DLG4: variants seen among roughly 807,000 people sequenced by gnomAD.
DLG4 encodes the protein disks large homolog 4.
DLG4 carries 7 observed loss-of-function variants against 93.8 expected under a neutral mutation model. The ratio of observed to expected loss-of-function variants is 0.07; its 90% CI spans 0.04 to 0.14. The LOEUF is 0.14. DLG4 is among the 10% of genes least tolerant of loss of function. The probability of loss-of-function intolerance (pLI) is 1.00; values close to 1 mark genes in which losing one functional copy is unlikely to be tolerated. For synonymous variants in DLG4, 341 were observed against 387.6 expected (o/e 0.88, Z 1.41); for missense variants, 545 against 992.9 (o/e 0.55, Z 6.06).
chr17:7,204,215 A>T lies in DLG4; in HGVS notation c.134T>A (p.Leu45Gln). The T allele has an allele frequency of 6.2e-7, 1 of 1,605,184 alleles. No individual in the cohort carries two copies. Among genetic ancestry groups the T allele is most frequent in the South Asian group, 1.1e-5 (1 of 90,322 alleles). The change falls in exon 3 of 20, where the codon CTA becomes CAA. Residue 45 changes from leucine to glutamine, a missense_variant. Physicochemically the swap from Leu to Gln is moderately radical, Grantham distance 113. Transcript: ENST00000399506. ...SPPVIVNTDT[L>Q]EAPGYELQVN... ...ACAACTCACATATCCTGGGGCTTCT[A>T]GGGTATCTGTGTTGACAATCACTGG...
At chr17:7,207,264 G>C (rs534058331) in intron 2 of DLG4, among the ~76,000 whole-genome samples, 5 of 152,140 alleles carry the variant, frequency 3.3e-5, no homozygotes, top group Non-Finnish European at 7.4e-5. Context: ...TGAGGGAAAG[G>C]ACTGATCAGG....
At chr17:7,214,229 G>T (rs1467298551) in intron 1 of DLG4, among the ~76,000 whole-genome samples, 1 of 152,016 alleles carries the variant, frequency 6.6e-6, no homozygotes, top group Non-Finnish European at 1.5e-5. Context: ...AAAGACCCCC[G>T]CGCCCTGAAG....
At chr17:7,210,017 G>A (rs952947602) in intron 1 of DLG4, among the ~76,000 whole-genome samples, 4 of 152,168 alleles carry the variant, frequency 2.6e-5, no homozygotes, top group African/African-American at 9.7e-5. Context: ...ACTCTAGCCT[G>A]GCGACAGAGT....
Position 7,217,152 on chromosome 17 carries a change from G to A in DLG4, c.-5C>T. 3 of 1,291,284 alleles carry A rather than the reference G, an allele frequency of 2.3e-6. No individual in the cohort carries two copies. The highest frequency in any genetic ancestry group is 3.0e-6 in the Non-Finnish European group (3 of 1,016,024). The allele number at this position is 1,291,284 out of a possible 1,614,324, so 80.0% of individuals were successfully genotyped here. On this transcript the variant is annotated 5_prime_UTR_variant, in exon 1 of 20. Coordinates refer to ENST00000399506, the MANE Select transcript of DLG4 (RefSeq NM_001321075.3). ...CACTATACAGAGACAGTCCATGTTG[G>A]GGGGCCTGGCCGCGGCGGCGGGTAA...
In DLG4 at chr17:7,208,791, CA is replaced by C. The variant is rs1284053348; in HGVS notation, c.31-553del. On this transcript the variant is annotated intron_variant, in intron 1 of 19. Coordinates refer to ENST00000399506, the MANE Select transcript of DLG4 (RefSeq NM_001321075.3). The surrounding 1 kb of genome is among the most constrained non-coding windows in gnomAD (Gnocchi z 5.4). ...TCTCCCCATTGCAGCCTCTACCCCA[CA>C]GGTGATTGGCTCTCCTTTACCTTGC... 1.3e-5 allele frequency among the ~76,000 whole-genome samples: 2 copies of C among 152,104 alleles called. No homozygotes were observed. The highest frequency in any genetic ancestry group is 2.9e-5 in the Non-Finnish European group (2 of 68,016).
chr17:7,211,519 G>A (rs1199499789), intron 1 of DLG4: 1 of 178,250 alleles, frequency 5.6e-6, no homozygotes, highest in East Asian at 1.9e-4. Flanking sequence ...GCGACCCACG[G>A]CGCCTGTCCA....
At position 7,193,740 on chromosome 17, in the gene DLG4, G is replaced by A. The variant is rs1167163720; in HGVS notation, c.1544-26C>T. 6.2e-7 allele frequency: 1 copy of A among 1,603,986 alleles called. No individual in the cohort carries two copies. The highest frequency in any genetic ancestry group is 1.7e-5 in the Admixed American group (1 of 58,908). ...CTGGTGGGAGGTGGGGCATCTGCAA[G>A]GGGCTCTGAAACAGGGGACCTGGAG... On this transcript the variant is annotated intron_variant, in intron 14 of 19. Coordinates refer to ENST00000399506, the MANE Select transcript of DLG4 (RefSeq NM_001321075.3). This position sits in a 1 kb window ranked among gnomAD's most constrained non-coding sequence, Gnocchi z 6.7.
Position 7,194,094 on chromosome 17 carries a change from C to T in DLG4, c.1479-94G>A. The stretch of plus-strand genomic sequence containing the variant: ...CAGCTGACAACCCCTTCTCCATACT[C>T]TGGGCCAGCTGACACCCCTTCTCCT... On this transcript the variant is annotated intron_variant, in intron 12 of 19. Coordinates refer to ENST00000399506, the MANE Select transcript of DLG4 (RefSeq NM_001321075.3). The surrounding 1 kb of genome is among the most constrained non-coding windows in gnomAD (Gnocchi z 4.4). The T allele has an allele frequency of 2.7e-6, 4 of 1,494,182 alleles. No individual in the cohort carries two copies. The Middle Eastern group carries it at 5.2e-4, about 193-fold the overall frequency. The allele number at this position is 1,494,182 out of a possible 1,614,324, so 92.6% of individuals were successfully genotyped here. A position where few individuals can be genotyped will look rare whatever the true frequency, so the allele number is the denominator to read the frequency against.
At chr17:7,190,884 C>A (rs1182764869) in intron 19 of DLG4, 70 bp from the exon 20 acceptor site, 3 of 1,331,006 alleles carry the variant, frequency 2.3e-6, no homozygotes, top group Non-Finnish European at 3.2e-6. Flanking sequence ...GGGGGTTGCA[C>A]CAGCCCAGAG....
In DLG4 at chr17:7,191,297, G is replaced by C; in HGVS notation, c.2038C>G (p.Leu680Val). 6.2e-7 allele frequency: 1 copy of C among 1,613,970 alleles called. No individual in the cohort carries two copies. The highest frequency in any genetic ancestry group is 8.5e-7 in the Non-Finnish European group (1 of 1,179,866). Reference protein sequence around the residue: ...ARKAFDRATKLEQEFTECFSA... With the variant: ...ARKAFDRATKVEQEFTECFSA... ...AAGCACTCTGTGAACTCCTGCTCCAGCTTGGTGGCTCTGTCGAAGGCTTTG... is the reference window on the plus strand; with the variant it reads ...AAGCACTCTGTGAACTCCTGCTCCACCTTGGTGGCTCTGTCGAAGGCTTTG... Residue 680 changes from leucine (L) to valine (V), a missense_variant, in exon 19 of 20, where the codon CTG (leucine) becomes GTG (valine). Coordinates refer to ENST00000399506, the MANE Select transcript of DLG4 (RefSeq NM_001321075.3). This position sits in a 1 kb window ranked among gnomAD's most constrained non-coding sequence, Gnocchi z 6.6.
At chr17:7,198,698 A>G (rs928582291) in intron 8 of DLG4, among the ~76,000 whole-genome samples, 1 of 149,926 alleles carries the variant, frequency 6.7e-6, no homozygotes, top group East Asian at 2.0e-4. Flanking sequence ...AAGTACAAAA[A>G]TTAGCTGGGC....
chr17:7,207,794 C>T (rs1179704100), intron 2 of DLG4, among the ~76,000 whole-genome samples: 1 of 150,856 alleles, frequency 6.6e-6, no homozygotes, highest in Non-Finnish European at 1.5e-5. Context: ...GGCACACACA[C>T]AGCACACGCG....
chr17:7,196,397 C>T lies in DLG4; in HGVS notation c.1187-63G>A. The T allele has an allele frequency of 6.2e-7, 1 of 1,609,330 alleles. No individual in the cohort carries two copies. Among genetic ancestry groups the T allele is most frequent in the East Asian group, 2.2e-5 (1 of 44,844 alleles). Reference sequence around the variant, plus strand: ...ATCCTACTGTCACCCCTGTCCTCCCCTACTGAAGCCATCAGCTGAGGAAGA... The same window carrying T: ...ATCCTACTGTCACCCCTGTCCTCCCTTACTGAAGCCATCAGCTGAGGAAGA... On this transcript the variant is annotated intron_variant, in intron 10 of 19. Transcript: ENST00000399506. This position sits in a 1 kb window ranked among gnomAD's most constrained non-coding sequence, Gnocchi z 8.3.
intron 1 of DLG4, among the ~76,000 whole-genome samples, chr17:7,209,929 C>T (rs1035076921): frequency 2.0e-5 from 3 of 152,112 alleles, no homozygotes; most frequent in African/African-American, 7.2e-5. Context: ...GTAATCCTAG[C>T]TACATGGGAG....
intron 1 of DLG4, among the ~76,000 whole-genome samples, chr17:7,209,606 C>CA (rs1402026265): frequency 6.6e-6 from 1 of 151,756 alleles, no homozygotes; most frequent in African/African-American, 2.4e-5. Context: ...ACCCTGTCTA[C>CA]AAAAAATACA....
upstream of DLG4, chr17:7,218,103 C>A: frequency 1.3e-6 from 1 of 764,596 alleles, no homozygotes; most frequent in Non-Finnish European, 2.1e-6. Flanking sequence ...ATTCTCGGTG[C>A]CCCAAGTCCC....
intron 8 of DLG4, chr17:7,202,677 C>A: frequency 1.8e-6 from 1 of 570,860 alleles, no homozygotes; most frequent in Non-Finnish European, 3.0e-6. Flanking sequence ...GCCATAAAAC[C>A]AACCAGGCTT....
At chr17:7,198,482 C>CA (rs35353536) in intron 8 of DLG4, among the ~76,000 whole-genome samples, 72,535 of 116,876 alleles carry the variant, frequency 0.62, 21,758 homozygotes, top group Middle Eastern at 0.73. Flanking sequence ...GACTCCCTCT[C>CA]AAAAAAAAAA....
chr17:7,202,638 ATC>A, intron 8 of DLG4: 1 of 534,318 alleles, frequency 1.9e-6, no homozygotes, highest in Non-Finnish European at 3.3e-6. Flanking sequence ...CAGAAGAATT[ATC>A]TATTCCTTGA....
Sources: allele counts gnomAD v4.1 joint callset (sites outside exome capture counted in the v4.1 genomes callset), GRCh38; gene constraint gnomAD v4.1.1; non-coding constraint Gnocchi (gnomAD v3.1); transcripts MANE v1.5; gene names NCBI Gene and HGNC (gene_info 2026-07-23, HGNC 2026-07-21).